PARM1: variants seen among roughly 807,000 people sequenced by gnomAD.
The protein encoded by PARM1 is WSC4, cell wall integrity and stress response component 4 homolog.
PARM1 carries 14 observed loss-of-function variants against 24.6 expected under a neutral mutation model. The observed-to-expected ratio is 0.57, with a 90% CI of 0.38 to 0.89. PARM1 has a LOEUF of 0.89. Among genes scored for constraint, PARM1 ranks in the 40% least tolerant of loss-of-function variants. The pLI is 0.00. For missense variants in PARM1, 362 were observed against 380.4 expected (o/e 0.95, Z 0.40); for synonymous variants, 179 against 156.6 (o/e 1.14, Z -1.07).
At chr4:75,020,682 G>A (rs569393381) in intron 2 of PARM1, among the ~76,000 whole-genome samples, 2 of 152,214 alleles carry the variant, frequency 1.3e-5, no homozygotes, top group Admixed American at 6.5e-5. Context: ...TGTCACCCCA[G>A]TGTCATCCCA....
chr4:74,977,543 C>T (rs1388899457), intron 1 of PARM1, among the ~76,000 whole-genome samples: 23 of 152,180 alleles, frequency 1.5e-4, no homozygotes, highest in Admixed American at 1.4e-3. Context: ...AAACATTCAT[C>T]AGGATATCAT....
In PARM1 at chr4:75,012,509, C is replaced by G; in HGVS notation, c.128C>G (p.Thr43Ser). The stretch of plus-strand genomic sequence containing the variant: ...ATTGTACCACCGACCACCATCTGGA[C>G]TAGCTCTCCACAAAACACTGATGCA... ...TNIVPPTTIW[T>S]SSPQNTDADT... Residue 43 changes from threonine to serine, a missense_variant, in exon 2 of 4, where the codon ACT becomes AGT. By Grantham distance (58) the Thr-to-Ser change is moderately conservative. Coordinates refer to ENST00000307428, the MANE Select transcript of PARM1 (RefSeq NM_015393.4). 6.2e-7 allele frequency: 1 copy of G among 1,613,980 alleles called. No individual in the cohort carries two copies. Among genetic ancestry groups the G allele is most frequent in the South Asian group, 1.1e-5 (1 of 91,068 alleles).
Position 75,047,117 on chromosome 4 carries a change from CCTG to C in PARM1, c.*872_*874del, listed in dbSNP as rs1723618754. 6.5e-6 allele frequency: 1 copy of C among 152,864 alleles called. No homozygotes were observed. The highest frequency in any genetic ancestry group is 2.4e-5 in the African/African-American group (1 of 41,454). 9.5% of individuals were successfully genotyped at this position (152,864 alleles called of 1,614,324 possible). A position where few individuals can be genotyped will look rare whatever the true frequency, so the allele number is the denominator to read the frequency against. On this transcript the variant is annotated 3_prime_UTR_variant, in exon 4 of 4. Transcript: ENST00000307428. ...AGCTGGCGGGGGAGAAGGAGGCTAA[CCTG>C]CACTGAGTACTTCATTAGGACAAGT...
At chr4:75,017,745 C>T (rs1387952508) in intron 2 of PARM1, among the ~76,000 whole-genome samples, 1 of 152,204 alleles carries the variant, frequency 6.6e-6, no homozygotes, top group Non-Finnish European at 1.5e-5. Flanking sequence ...GGGCTACACC[C>T]TGAACCCCTA....
At chr4:74,950,412 T>G (rs904399202) in intron 1 of PARM1, among the ~76,000 whole-genome samples, 9 of 152,182 alleles carry the variant, frequency 5.9e-5, no homozygotes, top group African/African-American at 1.9e-4. Flanking sequence ...CTGTCTCACA[T>G]GGCCCCCTTT....
intron 1 of PARM1, chr4:74,970,437 A>G (rs1048269858): frequency 2.6e-5 from 4 of 152,222 alleles, no homozygotes; most frequent in Admixed American, 6.5e-5. Flanking sequence ...GCAAACTTCC[A>G]TCATTTAAGC....
chr4:75,020,502 C>G (rs540525253), intron 2 of PARM1, among the ~76,000 whole-genome samples: 10,018 of 151,378 alleles, frequency 0.066, 1,138 homozygotes, highest in African/African-American at 0.23. Context: ...TCCCCCCCCC[C>G]GCACCCATCT....
chr4:74,961,718 T>A (rs1721778285), intron 1 of PARM1, among the ~76,000 whole-genome samples: 1 of 152,184 alleles, frequency 6.6e-6, no homozygotes, highest in African/African-American at 2.4e-5. Context: ...CCTATATCTG[T>A]CAAAACTGTC....
At chr4:74,994,081 T>A (rs930203755) in intron 1 of PARM1, 23 of 152,124 alleles carry the variant, frequency 1.5e-4, no homozygotes, top group African/African-American at 5.6e-4. Flanking sequence ...GGAATTAAAG[T>A]GGAGTACAGT....
intron 1 of PARM1, among the ~76,000 whole-genome samples, chr4:75,006,422 T>C (rs1722770232): frequency 6.6e-6 from 1 of 152,084 alleles, no homozygotes; most frequent in Non-Finnish European, 1.5e-5. Flanking sequence ...GATAGTTTGC[T>C]GAGAATGATG....
intron 2 of PARM1, among the ~76,000 whole-genome samples, chr4:75,016,687 CA>C (rs1722995735): frequency 6.6e-6 from 1 of 152,116 alleles, no homozygotes; most frequent in Admixed American, 6.5e-5. Context: ...TCAGAGTGTG[CA>C]TTTTCACTAC....
At chr4:75,004,735 T>C (rs1722740060) in intron 1 of PARM1, among the ~76,000 whole-genome samples, 2 of 152,276 alleles carry the variant, frequency 1.3e-5, no homozygotes, top group South Asian at 4.2e-4. Flanking sequence ...CTAATAACTT[T>C]TAAAAAGTCA....
At chr4:74,979,859 A>G (rs182891419) in intron 1 of PARM1, among the ~76,000 whole-genome samples, 228 of 152,336 alleles carry the variant, frequency 1.5e-3, no homozygotes, top group Non-Finnish European at 2.2e-3. Flanking sequence ...AGAACTAAAG[A>G]CAAAAACCAC....
intron 1 of PARM1, among the ~76,000 whole-genome samples, chr4:74,990,682 T>C (rs1024613793): frequency 6.6e-6 from 1 of 150,966 alleles, no homozygotes; most frequent in Non-Finnish European, 1.5e-5. Context: ...AAATAGGGAG[T>C]TGGCAAAAAT....
chr4:74,990,511 G>A (rs994345516), intron 1 of PARM1, among the ~76,000 whole-genome samples: 1 of 152,124 alleles, frequency 6.6e-6, no homozygotes, highest in African/African-American at 2.4e-5. Context: ...AGATATGCAG[G>A]CACAGTACCA....
intron 1 of PARM1, among the ~76,000 whole-genome samples, chr4:74,995,066 TA>T (rs761061859): frequency 2.6e-5 from 4 of 152,120 alleles, no homozygotes; most frequent in Non-Finnish European, 5.9e-5. Context: ...TTTTGTCAAC[TA>T]AAGGCCATAC....
At chr4:74,939,624 G>A (rs1298199097) in intron 1 of PARM1, among the ~76,000 whole-genome samples, 1 of 151,982 alleles carries the variant, frequency 6.6e-6, no homozygotes, top group East Asian at 1.9e-4. Context: ...TATAAGGTTT[G>A]CATAATCCCT....
intron 2 of PARM1, among the ~76,000 whole-genome samples, chr4:75,013,663 T>A (rs963050773): frequency 6.6e-6 from 1 of 152,184 alleles, no homozygotes; most frequent in African/African-American, 2.4e-5. Context: ...TGCTCAGTGT[T>A]TTAAAGTAGT....
intron 1 of PARM1, among the ~76,000 whole-genome samples, chr4:74,948,884 T>C (rs1164485473): frequency 6.6e-6 from 1 of 151,988 alleles, no homozygotes; most frequent in African/African-American, 2.4e-5. Context: ...TAGCCAGGCA[T>C]GGTGGCAGGT....
Sources: gnomAD v4.1 joint callset for allele counts (sites outside exome capture counted in the v4.1 genomes callset) on GRCh38, gnomAD v4.1.1 for gene constraint, MANE v1.5 for transcripts, NCBI Gene and HGNC (gene_info 2026-07-23, HGNC 2026-07-21) for gene names.